The following NFIB variants were observed in gnomAD, a reference collection of about 807,000 sequenced individuals.
NFIB encodes nuclear factor I B, also known as nuclear factor 1 B-type.
NFIB carries 11 observed loss-of-function variants against 61.5 expected under a neutral mutation model. That is an observed-to-expected ratio of 0.18 (90% confidence interval 0.11 to 0.30). The LOEUF is 0.30. Ranked by LOEUF, NFIB falls within the 10% of genes least tolerant of loss-of-function variation. The pLI is 1.00. For missense variants in NFIB, 471 were observed against 608.9 expected, an observed-to-expected ratio of 0.77 and a Z score of 2.38; for synonymous variants, 260 against 216.5, an observed-to-expected ratio of 1.20 and a Z score of -1.76.
At chr9:14,421,960 A>C in the NFIB span, among the ~76,000 whole-genome samples, 914 of 152,090 alleles carry the variant, frequency 6.0e-3, 9 homozygotes, top group African/African-American at 0.021. Context: ...TCACTTTTCT[A>C]CCTAGCACTT....
At chr9:14,380,344 A>T (rs2061473424) in intron 1 of NFIB, among the ~76,000 whole-genome samples, 1 of 152,256 alleles carries the variant, frequency 6.6e-6, no homozygotes, top group Non-Finnish European at 1.5e-5. Context: ...GCTAAAGGCA[A>T]AATGTAAAAA....
At chr9:14,231,813 T>C (rs2053221884) in intron 2 of NFIB, among the ~76,000 whole-genome samples, 1 of 152,198 alleles carries the variant, frequency 6.6e-6, no homozygotes, top group South Asian at 2.1e-4. Context: ...CTTTGCAAGC[T>C]GGCCGATTTT....
the NFIB span, among the ~76,000 whole-genome samples, chr9:14,486,273 T>C: frequency 6.6e-6 from 1 of 152,248 alleles, no homozygotes; most frequent in East Asian, 1.9e-4. Context: ...CAGAAGATTC[T>C]AGGGCAGAAC....
intron 1 of NFIB, among the ~76,000 whole-genome samples, chr9:14,334,660 A>T (rs956900893): frequency 1.3e-5 from 2 of 151,926 alleles, no homozygotes; most frequent in Admixed American, 6.6e-5. Flanking sequence ...ATGTTGCAAT[A>T]TTTTTTTTAA....
intron 3 of NFIB, among the ~76,000 whole-genome samples, chr9:14,160,812 T>C (rs1469444144): frequency 7.7e-6 from 1 of 129,908 alleles, no homozygotes; most frequent in African/African-American, 2.7e-5. Context: ...TAAAAATTCT[T>C]GCTTTGTGAA....
At chr9:14,366,449 T>C (rs1046687043) in intron 1 of NFIB, among the ~76,000 whole-genome samples, 2 of 152,310 alleles carry the variant, frequency 1.3e-5, no homozygotes, top group Non-Finnish European at 2.9e-5. Flanking sequence ...GTGTCTTTCC[T>C]TTCTGTAACC....
At chr9:14,269,636 G>T (rs1249743349) in intron 2 of NFIB, among the ~76,000 whole-genome samples, 4 of 152,148 alleles carry the variant, frequency 2.6e-5, no homozygotes, top group Admixed American at 2.6e-4. Context: ...ACGTGAAAAA[G>T]AAAAGCATTC....
chr9:14,404,891 G>A, the NFIB span, among the ~76,000 whole-genome samples: 67 of 152,308 alleles, frequency 4.4e-4, no homozygotes, highest in African/African-American at 1.4e-3. Context: ...GCAGCAAAAG[G>A]GGTGTTGTCC....
chr9:14,345,935 T>C (rs1413919663), intron 1 of NFIB, among the ~76,000 whole-genome samples: 1 of 152,322 alleles, frequency 6.6e-6, no homozygotes, highest in East Asian at 1.9e-4. Context: ...AGAAACTTCC[T>C]GCCTTTCTGG....
At chr9:14,176,553 A>G (rs1228733056) in intron 3 of NFIB, among the ~76,000 whole-genome samples, 1 of 152,184 alleles carries the variant, frequency 6.6e-6, no homozygotes. Flanking sequence ...ATAACAAATG[A>G]CAAAAAATTA....
intron 2 of NFIB, among the ~76,000 whole-genome samples, chr9:14,279,535 T>C (rs1035792872): frequency 6.6e-6 from 1 of 152,156 alleles, no homozygotes; most frequent in Non-Finnish European, 1.5e-5. Context: ...AGAAAGACCC[T>C]CAAGGCAACA....
At chr9:14,103,136 T>C (rs1404394139) in intron 10 of NFIB, among the ~76,000 whole-genome samples, 1 of 152,206 alleles carries the variant, frequency 6.6e-6, no homozygotes, top group Non-Finnish European at 1.5e-5. Context: ...AATACTTTAC[T>C]ACATCTGAAG....
chr9:14,301,776 T>G (rs2059765555), intron 2 of NFIB, among the ~76,000 whole-genome samples: 1 of 152,202 alleles, frequency 6.6e-6, no homozygotes, highest in South Asian at 2.1e-4. Flanking sequence ...GAACTTCTGG[T>G]GGGAGACTGT....
chr9:14,476,505 A>C, the NFIB span, among the ~76,000 whole-genome samples: 42 of 152,306 alleles, frequency 2.8e-4, no homozygotes, highest in African/African-American at 9.9e-4. Context: ...GTATTAATAG[A>C]GTATGTGGTA....
rs75603064 is a variant in NFIB at position 14,356,522 on chromosome 9, A to C, written c.108+42002T>G. Among the ~76,000 whole-genome samples the C allele has an allele frequency of 5.5e-3, 844 of 152,190 alleles. 3 individuals are homozygous for C. Among genetic ancestry groups the C allele is most frequent in the Non-Finnish European group, 8.0e-3 (543 of 68,006 alleles). On this transcript the variant is annotated intron_variant, in intron 1 of 8. Transcript: ENST00000380934. ...ACCCAGAATGGTCAGCAAGGCCCTG[A>C]GGGGCAGTGCAGCCCCGTGTAAAAA...
chr9:14,248,261 C>T (rs1352515280), intron 2 of NFIB, among the ~76,000 whole-genome samples: 1 of 151,518 alleles, frequency 6.6e-6, no homozygotes, highest in African/African-American at 2.4e-5. Context: ...AACTGCCCTT[C>T]CTTCCTTCCC....
At chr9:14,115,424 G>A (rs1181978935) in intron 9 of NFIB, among the ~76,000 whole-genome samples, 1 of 152,144 alleles carries the variant, frequency 6.6e-6, no homozygotes, top group Non-Finnish European at 1.5e-5. Flanking sequence ...GAAGCTGACA[G>A]TTGGGTGAAA....
chr9:14,328,274 GC>G (rs1211960844), intron 1 of NFIB, among the ~76,000 whole-genome samples: 41 of 152,220 alleles, frequency 2.7e-4, no homozygotes, highest in African/African-American at 9.6e-4. Context: ...CTCCTGAGTA[GC>G]TGCCACCACA....
At chr9:14,243,170 C>T (rs1308908188) in intron 2 of NFIB, among the ~76,000 whole-genome samples, 1 of 152,136 alleles carries the variant, frequency 6.6e-6, no homozygotes, top group African/African-American at 2.4e-5. Flanking sequence ...CATTCCTTCC[C>T]TCCCTCCTTA....
Sources: allele counts gnomAD v4.1 joint callset (sites outside exome capture counted in the v4.1 genomes callset), GRCh38; gene constraint gnomAD v4.1.1; transcripts MANE v1.5; gene names NCBI Gene and HGNC (gene_info 2026-07-23, HGNC 2026-07-21).